The following CREBBP variants were observed in gnomAD, a reference collection of about 807,000 sequenced individuals.
CREBBP encodes CREB binding lysine acetyltransferase.
Under a neutral mutation model 265.0 loss-of-function variants are expected in CREBBP, and 19 were observed. The observed-to-expected ratio is 0.07, with a 90% CI of 0.05 to 0.11. The LOEUF is 0.11. Ranked by LOEUF, CREBBP falls within the 10% of genes least tolerant of loss-of-function variation. CREBBP has a pLI of 1.00. For missense variants in CREBBP, 2,525 were observed against 3,219.0 expected, an observed-to-expected ratio of 0.78 and a Z score of 5.22; for synonymous variants, 1,457 against 1,223.7, an observed-to-expected ratio of 1.19 and a Z score of -3.98.
chr16:3,785,335 C>T (rs1205753084), intron 5 of CREBBP, among the ~76,000 whole-genome samples: 5 of 152,230 alleles, frequency 3.3e-5, no homozygotes, highest in Non-Finnish European at 7.3e-5. Context: ...GTACACTCTG[C>T]CAGGCTCCCA....
chr16:3,759,162 A>G lies in CREBBP; in HGVS notation c.3251-190T>C, dbSNP rs551846457. Among the ~76,000 whole-genome samples the G allele has an allele frequency of 1.5e-4, 23 of 152,360 alleles. 1 individual carries two copies. In the South Asian group the frequency reaches 4.8e-3, roughly 32 times the overall value. On this transcript the variant is annotated intron_variant, in intron 16 of 30. Transcript: ENST00000262367. ...ACACACTAGTGTCAGAACTGTGTTC[A>G]GCTTGTGAGGCAAAATACAACACTG...
chr16:3,747,527 A>G (rs2052369719), intron 21 of CREBBP, among the ~76,000 whole-genome samples: 1 of 152,188 alleles, frequency 6.6e-6, no homozygotes, highest in South Asian at 2.1e-4. Flanking sequence ...ACTCACTTGT[A>G]CTGTCTCCTG....
chr16:3,871,193 TCTCA>T (rs57291542), intron 1 of CREBBP, among the ~76,000 whole-genome samples: 79,479 of 141,760 alleles, frequency 0.56, 21,967 homozygotes, highest in East Asian at 0.73. Flanking sequence ...TCTCTCTCTC[TCTCA>T]CTCACACACA....
chr16:3,753,538 G>A (rs1345739686), intron 19 of CREBBP, among the ~76,000 whole-genome samples: 3 of 151,952 alleles, frequency 2.0e-5, no homozygotes, highest in Admixed American at 6.6e-5. Context: ...GCAGATTAAT[G>A]TTTTTCTTTA....
At chr16:3,771,349 G>A (rs1042849442) in intron 13 of CREBBP, among the ~76,000 whole-genome samples, 9 of 152,128 alleles carry the variant, frequency 5.9e-5, no homozygotes, top group African/African-American at 1.4e-4. Flanking sequence ...GATTACAGGC[G>A]TGAGCCACCG....
chr16:3,836,012 A>G (rs1293486817), intron 2 of CREBBP, among the ~76,000 whole-genome samples: 1 of 152,210 alleles, frequency 6.6e-6, no homozygotes, highest in African/African-American at 2.4e-5. Context: ...GTTCATGCCA[A>G]CAACGTGGAT....
intron 16 of CREBBP, among the ~76,000 whole-genome samples, chr16:3,764,968 G>GT (rs538154147): frequency 6.7e-6 from 1 of 148,574 alleles, no homozygotes; most frequent in East Asian, 2.0e-4. Context: ...TTTTTTTTTT[G>GT]TTTTGTTTTT....
chr16:3,800,328 G>A (rs772294566), intron 3 of CREBBP, among the ~76,000 whole-genome samples: 2 of 152,052 alleles, frequency 1.3e-5, no homozygotes, highest in African/African-American at 2.4e-5. Flanking sequence ...CATGTTGTTC[G>A]AGCTGGTCTT....
At chr16:3,818,787 A>G (rs536449807) in intron 2 of CREBBP, among the ~76,000 whole-genome samples, 4 of 152,318 alleles carry the variant, frequency 2.6e-5, no homozygotes, top group African/African-American at 9.6e-5. Context: ...AAAACACACA[A>G]AAAGGAACCA....
chr16:3,777,907 A>G (rs551229632), intron 10 of CREBBP, 104 bp downstream of exon 10: 4 of 1,354,814 alleles, frequency 3.0e-6, no homozygotes, highest in African/African-American at 1.4e-5. Context: ...TCTGCAGGGC[A>G]TGCATCAGAT....
At chr16:3,737,041 C>T in intron 26 of CREBBP, 1 of 610,544 alleles carries the variant, frequency 1.6e-6, no homozygotes, top group Non-Finnish European at 2.9e-6. Flanking sequence ...GGGGTGCACA[C>T]ACAGGGCAGG....
rs113944324 is a variant in CREBBP at position 3,791,932 on chromosome 16, A to T, written c.1330+49T>A. 2.0e-4 allele frequency: 293 copies of T among 1,483,404 alleles called. 2 individuals carry two copies. In the African/African-American group the frequency reaches 3.8e-3, roughly 19 times the overall value. The allele number at this position is 1,483,404 out of a possible 1,614,324, so 91.9% of individuals were successfully genotyped here. ...CCTACTCTCTGAATTTTCTTTAGAA[A>T]CAACTTCTATTCTCATCTCCAAGCT... On this transcript the variant is annotated intron_variant, in intron 5 of 30. Transcript: ENST00000262367.
At chr16:3,853,960 A>AAACG (rs2054907845) in intron 1 of CREBBP, among the ~76,000 whole-genome samples, 1 of 147,054 alleles carries the variant, frequency 6.8e-6, no homozygotes, top group South Asian at 2.1e-4. Flanking sequence ...ACAAACAAAC[A>AAACG]AACACACACA....
At chr16:3,853,557 C>T (rs2054898692) in intron 1 of CREBBP, among the ~76,000 whole-genome samples, 1 of 151,868 alleles carries the variant, frequency 6.6e-6, no homozygotes, top group Admixed American at 6.6e-5. Context: ...TTGCAGTGAG[C>T]CAAGATTGCG....
Position 3,879,984 on chromosome 16 carries a change from G to T in CREBBP, c.-68C>A, listed in dbSNP as rs781440238. 6.1e-6 allele frequency: 9 copies of T among 1,480,190 alleles called. No individual in the cohort carries two copies. The highest frequency in any genetic ancestry group is 4.0e-5 in the Admixed American group (2 of 50,026). The allele number at this position is 1,480,190 out of a possible 1,614,324, so 91.7% of individuals were successfully genotyped here. A position where few individuals can be genotyped will look rare whatever the true frequency, so the allele number is the denominator to read the frequency against. Reference sequence around the variant, plus strand: ...GCCGGCGAGGGCCCGGACGGGGGTCGGGGGCCCTGCCGGCTGCGAGGGAGA... The same window carrying T: ...GCCGGCGAGGGCCCGGACGGGGGTCTGGGGCCCTGCCGGCTGCGAGGGAGA... On this transcript the variant is annotated 5_prime_UTR_variant, in exon 1 of 31. Transcript: ENST00000262367.
intron 26 of CREBBP, among the ~76,000 whole-genome samples, chr16:3,737,522 T>A (rs745641574): frequency 4.6e-5 from 7 of 150,680 alleles, no homozygotes; most frequent in Non-Finnish European, 8.9e-5. Context: ...TGCAATGGCA[T>A]GATCTCGACT....
intron 2 of CREBBP, among the ~76,000 whole-genome samples, chr16:3,812,556 G>A (rs1431719833): frequency 6.6e-6 from 1 of 151,464 alleles, no homozygotes; most frequent in Admixed American, 6.6e-5. Context: ...AGGCAGGAAT[G>A]GGAAAGAGGA....
chr16:3,800,799 G>T (rs2053697486), intron 3 of CREBBP, among the ~76,000 whole-genome samples: 1 of 152,188 alleles, frequency 6.6e-6, no homozygotes, highest in Non-Finnish European at 1.5e-5. Flanking sequence ...TCCAATGCAG[G>T]AGAAGACTGT....
At chr16:3,737,468 T>G (rs1273554450) in intron 26 of CREBBP, among the ~76,000 whole-genome samples, 5 of 151,434 alleles carry the variant, frequency 3.3e-5, no homozygotes, top group Admixed American at 2.0e-4. Flanking sequence ...TTTTTTTTTT[T>G]GCGGGCGGGG....
Sources: allele counts gnomAD v4.1 joint callset (sites outside exome capture counted in the v4.1 genomes callset), GRCh38; gene constraint gnomAD v4.1.1; transcripts MANE v1.5; gene names NCBI Gene and HGNC (gene_info 2026-07-23, HGNC 2026-07-21).